Variants in ADCY3 observed in about 807,000 individuals in gnomAD.
ADCY3 encodes the protein adenylate cyclase type 3.
Under a neutral mutation model 119.4 loss-of-function variants are expected in ADCY3, and 70 were observed. The ratio of observed to expected loss-of-function variants is 0.59; its 90% CI spans 0.48 to 0.72. ADCY3 has a LOEUF of 0.72. Among genes scored for constraint, ADCY3 ranks in the 30% least tolerant of loss-of-function variants. ADCY3 has a pLI of 0.00. For synonymous variants in ADCY3, 672 were observed against 621.4 expected (o/e 1.08, Z -1.21); for missense variants, 1,238 against 1,541.6 (o/e 0.80, Z 3.30).
intron 3 of ADCY3, among the ~76,000 whole-genome samples, chr2:24,860,473 C>G (rs989362149): frequency 1.1e-4 from 16 of 152,370 alleles, no homozygotes; most frequent in African/African-American, 3.8e-4. Flanking sequence ...CTTCGCATGC[C>G]AGGGCTGCAC....
At position 24,839,965 on chromosome 2, in the gene ADCY3, C is replaced by A. The variant is rs761807866; in HGVS notation, c.1263G>T (p.Leu421=). ...MRVGVHTGTV[L]GGVLGQKRWQ... ...AGCGCTTCTGGCCCAGGACGCCCCC[C>A]AGCACGGTGCCCGTGTGCACCCCCA... Residue 421 remains leucine (L), a synonymous_variant, in exon 7 of 22, where the codon CTG becomes CTT. Coordinates refer to ENST00000679454, the MANE Select transcript of ADCY3 (RefSeq NM_004036.5). 6.2e-7 allele frequency: 1 copy of A among 1,613,894 alleles called. No homozygotes were observed. The highest frequency in any genetic ancestry group is 2.2e-5 in the East Asian group (1 of 44,876).
At chr2:24,822,427 T>G (rs1667916206) in intron 19 of ADCY3, 84 bp downstream of exon 19, 1 of 1,568,290 alleles carries the variant, frequency 6.4e-7, no homozygotes, top group African/African-American at 1.4e-5. Context: ...ACAGCAGTTC[T>G]TATTTCCCCC....
In ADCY3 at chr2:24,872,123, C is replaced by CA. The variant is rs1385746106; in HGVS notation, c.825+446dup. Among the ~76,000 whole-genome samples, 1 of 152,180 alleles carries CA rather than the reference C, an allele frequency of 6.6e-6. No homozygotes were observed. The highest frequency in any genetic ancestry group is 1.9e-4 in the East Asian group (1 of 5,182). Reference sequence around the variant, plus strand: ...CCCACCCACGGCATGAGCAGGTGCACAGGGTGGATCTGCGGTTGGACCAGC... The same window carrying CA: ...CCCACCCACGGCATGAGCAGGTGCACAAGGGTGGATCTGCGGTTGGACCAGC... On this transcript the variant is annotated intron_variant, in intron 3 of 21. Coordinates refer to ENST00000679454, the MANE Select transcript of ADCY3 (RefSeq NM_004036.5). This position sits in a 1 kb window ranked among gnomAD's most constrained non-coding sequence, Gnocchi z 4.4.
At chr2:24,873,794 C>T (rs897678380) in intron 2 of ADCY3, among the ~76,000 whole-genome samples, 3 of 152,224 alleles carry the variant, frequency 2.0e-5, no homozygotes, top group African/African-American at 4.8e-5. Flanking sequence ...GCCCTTCCCC[C>T]GAGGCTGTGG....
chr2:24,833,249 G>A (rs145805314), intron 11 of ADCY3, among the ~76,000 whole-genome samples: 152 of 152,272 alleles, frequency 1.0e-3, no homozygotes, highest in Middle Eastern at 3.4e-3. Context: ...CTGCAGTGGC[G>A]TGTAGGAGGC....
chr2:24,831,159 C>T (rs1229449051), intron 12 of ADCY3, among the ~76,000 whole-genome samples: 1 of 152,022 alleles, frequency 6.6e-6, no homozygotes, highest in Non-Finnish European at 1.5e-5. Context: ...CCTATCCTGG[C>T]TCCAAGTGAC....
At chr2:24,914,865 G>A (rs529133351) in intron 2 of ADCY3, among the ~76,000 whole-genome samples, 2 of 152,100 alleles carry the variant, frequency 1.3e-5, no homozygotes, top group East Asian at 1.9e-4. Context: ...CATGCTGCTC[G>A]GCAATATTCA....
At position 24,839,809 on chromosome 2, in the gene ADCY3, T is replaced by TG. The variant is rs1558434790; in HGVS notation, c.1355+63dup. The TG allele has an allele frequency of 2.5e-6, 4 of 1,609,118 alleles. No homozygotes were observed. In the Admixed American group the frequency reaches 6.7e-5, roughly 27 times the overall value. ...CTGTCCCTCATCAGGGTCACAGCCC[T>TG]GGGGGATGGAGGGGACGGTCCCCTC... On this transcript the variant is annotated intron_variant, in intron 7 of 21. Transcript: ENST00000679454.
intron 3 of ADCY3, among the ~76,000 whole-genome samples, chr2:24,852,751 G>A (rs531907437): frequency 5.3e-5 from 8 of 152,350 alleles, no homozygotes; most frequent in East Asian, 3.9e-4. Context: ...CAACGCCCGC[G>A]GAAACTTGGG....
rs768627835 is a variant in ADCY3 at position 24,831,656 on chromosome 2, T to A, written c.2055+6A>T. On this transcript the variant is annotated splice_donor_region_variant and intron_variant, in intron 12 of 21. Coordinates refer to ENST00000679454, the MANE Select transcript of ADCY3 (RefSeq NM_004036.5). ...CTTCTGAGCTCAGTAGAAAAGTGCC[T>A]CTTACCCGGGGAAAGATGGCAGCCA... 1 of 1,612,994 alleles carries A rather than the reference T, an allele frequency of 6.2e-7. No individual in the cohort carries two copies. The highest frequency in any genetic ancestry group is 2.2e-5 in the East Asian group (1 of 44,870).
chr2:24,915,603 C>T (rs949552096), intron 2 of ADCY3, among the ~76,000 whole-genome samples: 2 of 152,114 alleles, frequency 1.3e-5, no homozygotes. Flanking sequence ...TGCAGTGGTG[C>T]GATCTCGGCT....
intron 3 of ADCY3, among the ~76,000 whole-genome samples, chr2:24,867,954 G>C (rs1170423149): frequency 6.6e-6 from 1 of 152,150 alleles, no homozygotes; most frequent in African/African-American, 2.4e-5. Flanking sequence ...GACTAAAGAG[G>C]TAAGTACTAA....
Position 24,823,227 on chromosome 2 carries a change from G to A in ADCY3, c.2865C>T (p.Ile955=). 1.2e-6 allele frequency: 2 copies of A among 1,612,900 alleles called. No homozygotes were observed. Among genetic ancestry groups the A allele is most frequent in the South Asian group, 2.2e-5 (2 of 90,978 alleles). ...GIECLRFLNE[I]ISDFDSLLDN... is the part of the protein sequence containing the mutation. Reference sequence around the variant, plus strand: ...CACTCACAGAGTCAAAATCTGAGATGATTTCATTGAGGAAACGCAGACACT... The same window carrying A: ...CACTCACAGAGTCAAAATCTGAGATAATTTCATTGAGGAAACGCAGACACT... The change falls in exon 18 of 22, where the codon ATC becomes ATT. Residue 955 remains isoleucine (I), a synonymous_variant. Transcript: ENST00000679454.
chr2:24,893,027 G>C (rs1213418329), intron 2 of ADCY3, among the ~76,000 whole-genome samples: 1 of 142,980 alleles, frequency 7.0e-6, no homozygotes, highest in Admixed American at 6.9e-5. Context: ...TTTAATCTAT[G>C]TGTCTTTTTT....
chr2:24,827,429 C>T (rs920777915), intron 15 of ADCY3, 117 bp downstream of exon 15: 24 of 1,092,872 alleles, frequency 2.2e-5, no homozygotes, highest in South Asian at 2.8e-5. Context: ...CTAACCTGCA[C>T]GTATCAGGTC....
chr2:24,841,061 C>T lies in ADCY3; in HGVS notation c.1196+198G>A, dbSNP rs1210171019. On this transcript the variant is annotated intron_variant, in intron 6 of 21. Coordinates refer to ENST00000679454, the MANE Select transcript of ADCY3 (RefSeq NM_004036.5). The surrounding 1 kb of genome is among the most constrained non-coding windows in gnomAD (Gnocchi z 5.8). The stretch of plus-strand genomic sequence containing the variant: ...GGGGGAGCCTCGCAGGTCCCCTGGG[C>T]TGTGAGGAAGGTAAGCCACATCCCA... Among the ~76,000 whole-genome samples the T allele has an allele frequency of 6.6e-6, 1 of 152,232 alleles. No homozygotes were observed. Among genetic ancestry groups the T allele is most frequent in the Non-Finnish European group, 1.5e-5 (1 of 68,036 alleles).
chr2:24,894,414 A>G (rs772729665), intron 2 of ADCY3, among the ~76,000 whole-genome samples: 12 of 152,146 alleles, frequency 7.9e-5, no homozygotes, highest in Non-Finnish European at 1.2e-4. Flanking sequence ...GGTTGAGGCT[A>G]CAGTGAGCTA....
At chr2:24,880,230 A>C (rs1676227989) in intron 2 of ADCY3, among the ~76,000 whole-genome samples, 1 of 152,224 alleles carries the variant, frequency 6.6e-6, no homozygotes, top group Admixed American at 6.5e-5. Context: ...CCCATCTGAC[A>C]TGTTAGGCCA....
At position 24,918,942 on chromosome 2, in the gene ADCY3, A is replaced by G; in HGVS notation, c.46T>C (p.Tyr16His). 2 of 1,609,824 alleles carry G rather than the reference A, an allele frequency of 1.2e-6. No homozygotes were observed. The highest frequency in any genetic ancestry group is 1.7e-6 in the Non-Finnish European group (2 of 1,179,056). The change falls in exon 2 of 22, where the codon TAC (tyrosine) becomes CAC (histidine). Residue 16 changes from tyrosine (Y) to histidine (H), a missense_variant. This residue lies in a region of ADCY3 where 227 missense variants were observed against 249.3 expected (regional missense o/e 0.91). Transcript: ENST00000679454. This position sits in a 1 kb window ranked among gnomAD's most constrained non-coding sequence, Gnocchi z 5.4. ...GFSEPEYSAE[Y>H]SAEYSVSLPS... ...AGGCTGACGGAGTACTCGGCTGAGT[A>G]CTCGGCCGAGTATTCGGGCTCGGAG...
Sources: gnomAD v4.1 joint callset for allele counts (sites outside exome capture counted in the v4.1 genomes callset) on GRCh38, gnomAD v4.1.1 for gene constraint, gnomAD v4.1.1 regional missense constraint, Gnocchi (gnomAD v3.1) non-coding constraint, MANE v1.5 for transcripts, NCBI Gene and HGNC (gene_info 2026-07-23, HGNC 2026-07-21) for gene names.